PCSK6: variants seen among roughly 807,000 people sequenced by gnomAD.
PCSK6 encodes paired basic amino acid cleaving enzyme 4.
PCSK6 carries 85 observed loss-of-function variants against 123.3 expected under a neutral mutation model. The ratio of observed to expected loss-of-function variants is 0.69; its 90% CI spans 0.58 to 0.83. PCSK6 has a LOEUF of 0.83. Among genes scored for constraint, PCSK6 ranks in the 40% least tolerant of loss-of-function variants. PCSK6 has a pLI of 0.00. For missense variants in PCSK6, 1,191 were observed against 1,282.3 expected (o/e 0.93, Z 1.09); for synonymous variants, 508 against 516.0 (o/e 0.98, Z 0.21).
intron 15 of PCSK6, among the ~76,000 whole-genome samples, chr15:101,328,377 G>A (rs552764194): frequency 4.6e-5 from 7 of 152,188 alleles, no homozygotes; most frequent in East Asian, 3.8e-4. Flanking sequence ...GGAGACGGGC[G>A]GGCAGGGCTT....
chr15:101,328,915 A>G (rs1332776651), intron 15 of PCSK6, among the ~76,000 whole-genome samples: 1 of 152,210 alleles, frequency 6.6e-6, no homozygotes, highest in South Asian at 2.1e-4. Context: ...CGTGGTCCCA[A>G]TCACTCCACC....
intron 6 of PCSK6, among the ~76,000 whole-genome samples, chr15:101,408,535 C>T (rs1420679653): frequency 6.6e-6 from 1 of 152,226 alleles, no homozygotes; most frequent in Non-Finnish European, 1.5e-5. Context: ...CTTCCTATGG[C>T]TCCTGCTTAG....
At chr15:101,371,883 C>T (rs2041598021) in intron 11 of PCSK6, among the ~76,000 whole-genome samples, 1 of 152,176 alleles carries the variant, frequency 6.6e-6, no homozygotes, top group South Asian at 2.1e-4. Flanking sequence ...ACTTTCCTGC[C>T]CTGTCATGGA....
At chr15:101,431,834 C>T (rs568323594) in intron 3 of PCSK6, among the ~76,000 whole-genome samples, 156 bp downstream of exon 3, 1 of 152,340 alleles carries the variant, frequency 6.6e-6, no homozygotes, top group East Asian at 1.9e-4. Flanking sequence ...AAAGCCGGTA[C>T]TGCACAGCCT....
chr15:101,348,139 AC>A (rs1173619656), intron 13 of PCSK6, among the ~76,000 whole-genome samples: 1 of 150,648 alleles, frequency 6.6e-6, no homozygotes, highest in East Asian at 2.0e-4. Flanking sequence ...AAAAGCCACA[AC>A]CCCCGCCCCC....
At chr15:101,335,652 T>C (rs1423675126) in intron 13 of PCSK6, among the ~76,000 whole-genome samples, 1 of 152,254 alleles carries the variant, frequency 6.6e-6, no homozygotes, top group Non-Finnish European at 1.5e-5. Context: ...CTTATGATCC[T>C]TCCATGGCTG....
intron 13 of PCSK6, among the ~76,000 whole-genome samples, chr15:101,357,968 C>T (rs1198283904): frequency 6.6e-6 from 1 of 152,170 alleles, no homozygotes; most frequent in East Asian, 1.9e-4. Context: ...CAGGAAGCTC[C>T]CACCTCTGCT....
chr15:101,463,875 G>A (rs914251821), intron 1 of PCSK6, among the ~76,000 whole-genome samples: 3 of 152,114 alleles, frequency 2.0e-5, no homozygotes, highest in Non-Finnish European at 2.9e-5. Flanking sequence ...AGGGGAAAAA[G>A]AAATTGAAAG....
At chr15:101,414,024 G>A (rs1160027464) in intron 6 of PCSK6, among the ~76,000 whole-genome samples, 1 of 152,116 alleles carries the variant, frequency 6.6e-6, no homozygotes. Context: ...TTAATCAAAG[G>A]AAAGTAGAAG....
At chr15:101,395,469 A>G (rs1596284726) in intron 7 of PCSK6, among the ~76,000 whole-genome samples, 1 of 152,230 alleles carries the variant, frequency 6.6e-6, no homozygotes, top group East Asian at 1.9e-4. Flanking sequence ...ACCCATCCTC[A>G]TAGGCATCAA....
At chr15:101,417,205 C>T (rs996159471) in intron 6 of PCSK6, among the ~76,000 whole-genome samples, 1 of 152,210 alleles carries the variant, frequency 6.6e-6, no homozygotes, top group African/African-American at 2.4e-5. Context: ...CTTGCCACCG[C>T]CATGTTAAGA....
chr15:101,457,032 G>A (rs1183580201), intron 1 of PCSK6, among the ~76,000 whole-genome samples: 4 of 152,154 alleles, frequency 2.6e-5, no homozygotes, highest in Non-Finnish European at 4.4e-5. Flanking sequence ...AATTAGCTGG[G>A]TGTGGTGGTG....
chr15:101,406,043 G>T (rs768624307), intron 6 of PCSK6, among the ~76,000 whole-genome samples: 1 of 152,110 alleles, frequency 6.6e-6, no homozygotes, highest in African/African-American at 2.4e-5. Context: ...GTACCCGGCC[G>T]CCTGCTTCTA....
intron 19 of PCSK6, among the ~76,000 whole-genome samples, chr15:101,316,809 G>A (rs1190895752): frequency 2.6e-5 from 4 of 152,178 alleles, no homozygotes; most frequent in Admixed American, 2.6e-4. Context: ...GAGCTGCATG[G>A]GGTGCTCATG....
At chr15:101,409,677 A>C (rs906368347) in intron 6 of PCSK6, among the ~76,000 whole-genome samples, 2 of 152,036 alleles carry the variant, frequency 1.3e-5, no homozygotes, top group Non-Finnish European at 2.9e-5. Flanking sequence ...AATCTGGTTA[A>C]GTATCAGCAC....
intron 2 of PCSK6, among the ~76,000 whole-genome samples, chr15:101,442,640 A>G (rs376958018): frequency 2.0e-5 from 3 of 152,162 alleles, no homozygotes; most frequent in African/African-American, 7.2e-5. Flanking sequence ...TTTTCTGGAA[A>G]TAGCTGAAAT....
At chr15:101,435,188 GC>G (rs1003742177) in intron 2 of PCSK6, among the ~76,000 whole-genome samples, 3 of 152,006 alleles carry the variant, frequency 2.0e-5, no homozygotes, top group Admixed American at 6.5e-5. Context: ...TGTGTCACCA[GC>G]CCCAAACCAA....
At position 101,306,375 on chromosome 15, in the gene PCSK6, C is replaced by G. The variant is rs2039723472; in HGVS notation, c.2812+838G>C. ...ACCCCCCAAAAATAATAACCAGTAA[C>G]AAGGCAAGGAGGCATCCCAGGGCCC... On this transcript the variant is annotated intron_variant, in intron 21 of 21. Transcript: ENST00000611716. Among the ~76,000 whole-genome samples, 2 of 151,478 alleles carry G rather than the reference C, an allele frequency of 1.3e-5. 1 individual carries two copies. Among genetic ancestry groups the G allele is most frequent in the South Asian group, 4.2e-4 (2 of 4,794 alleles).
At chr15:101,370,880 G>T (rs1156477843) in intron 11 of PCSK6, among the ~76,000 whole-genome samples, 1 of 152,192 alleles carries the variant, frequency 6.6e-6, no homozygotes, top group African/African-American at 2.4e-5. Flanking sequence ...CAGTGCTGTG[G>T]GGTGCACAGC....
Sources: allele counts gnomAD v4.1 joint callset (sites outside exome capture counted in the v4.1 genomes callset), GRCh38; gene constraint gnomAD v4.1.1; transcripts MANE v1.5; gene names NCBI Gene and HGNC (gene_info 2026-07-23, HGNC 2026-07-21).